Variants in ARHGEF10L observed in about 807,000 individuals in gnomAD.
ARHGEF10L encodes the protein Rho guanine nucleotide exchange factor 10 like.
A neutral mutation model predicts 141.2 loss-of-function variants in ARHGEF10L; 69 were observed. The ratio of observed to expected loss-of-function variants is 0.49; its 90% CI spans 0.40 to 0.60. ARHGEF10L has a LOEUF of 0.60. ARHGEF10L is among the 20% of genes least tolerant of loss of function. The pLI is 0.00. For synonymous variants in ARHGEF10L, 711 were observed against 718.5 expected (o/e 0.99, Z 0.17); for missense variants, 1,482 against 1,734.3 (o/e 0.85, Z 2.58).
At chr1:17,640,141 C>A in intron 20 of ARHGEF10L, 61 bp from the exon 21 acceptor site, 1 of 1,558,862 alleles carries the variant, frequency 6.4e-7, no homozygotes, top group Non-Finnish European at 8.7e-7. Flanking sequence ...TACGTGACAG[C>A]TGGGGGAGCC....
At chr1:17,589,995 A>G (rs1391077742) in intron 4 of ARHGEF10L, among the ~76,000 whole-genome samples, 2 of 151,956 alleles carry the variant, frequency 1.3e-5, no homozygotes, top group East Asian at 1.9e-4. Context: ...CCTGCTGAGG[A>G]AGCCCCTGAG....
At chr1:17,683,616 CAGGCTG>C (rs762528892) in intron 26 of ARHGEF10L, among the ~76,000 whole-genome samples, 21,568 of 151,920 alleles carry the variant, frequency 0.14, 1,623 homozygotes, top group Non-Finnish European at 0.16. Flanking sequence ...TGAGACATGC[CAGGCTG>C]GGGCTGGGGC....
chr1:17,669,028 C>T (rs1295675370), intron 26 of ARHGEF10L, among the ~76,000 whole-genome samples: 2 of 152,212 alleles, frequency 1.3e-5, no homozygotes, highest in Non-Finnish European at 2.9e-5. Flanking sequence ...GCTGTGGTCT[C>T]GTATGTGTGC....
Position 17,664,526 on chromosome 1 carries a change from G to A in ARHGEF10L, c.2940G>A (p.Leu980=), listed in dbSNP as rs756247741. ...GGCCTGTCCGCACCCTGTTGAGCCT[G>A]GAGGATGCCGTGTGGGCCAGCTGTG... The part of the protein sequence containing the change: ...GPGPVRTLLS[L]EDAVWASCGP... The change falls in exon 26 of 29, where the codon CTG becomes CTA. Residue 980 remains leucine, a synonymous_variant. Transcript: ENST00000361221. 2 of 1,608,406 alleles carry A rather than the reference G, an allele frequency of 1.2e-6. No individual in the cohort carries two copies.
chr1:17,559,728 C>G (rs1490180931), intron 1 of ARHGEF10L, among the ~76,000 whole-genome samples: 1 of 152,142 alleles, frequency 6.6e-6, no homozygotes, highest in Non-Finnish European at 1.5e-5. Context: ...AGGAAAGGGA[C>G]CGTCATGTGA....
intron 18 of ARHGEF10L, among the ~76,000 whole-genome samples, chr1:17,636,548 C>T (rs978290530): frequency 2.4e-4 from 37 of 152,306 alleles, no homozygotes; most frequent in Admixed American, 1.8e-3. Flanking sequence ...GGTTCCTCTG[C>T]GCTTTCGTGC....
At chr1:17,636,759 C>T (rs1466535580) in intron 18 of ARHGEF10L, among the ~76,000 whole-genome samples, 1 of 152,094 alleles carries the variant, frequency 6.6e-6, no homozygotes, top group African/African-American at 2.4e-5. Context: ...TAAACTCATT[C>T]CACACAGGTG....
In ARHGEF10L at chr1:17,590,398, T is replaced by C. The variant is rs947336935; in HGVS notation, c.257+1919T>C. Reference sequence around the variant, plus strand: ...TGTGCGGCAGTGCCTGGTGTGTGATTCCTGGTGAGGTCCCTTCCCTTGACA... The same window carrying C: ...TGTGCGGCAGTGCCTGGTGTGTGATCCCTGGTGAGGTCCCTTCCCTTGACA... On this transcript the variant is annotated intron_variant, in intron 4 of 28. Coordinates refer to ENST00000361221, the MANE Select transcript of ARHGEF10L (RefSeq NM_018125.4). 9.9e-5 allele frequency among the ~76,000 whole-genome samples: 15 copies of C among 152,038 alleles called. No individual in the cohort carries two copies. The East Asian group carries it at 2.7e-3, about 27-fold the overall frequency.
In ARHGEF10L at chr1:17,627,269, C is replaced by T; in HGVS notation, c.1411-61C>T. On this transcript the variant is annotated intron_variant, in intron 14 of 28. Transcript: ENST00000361221. This position sits in a 1 kb window ranked among gnomAD's most constrained non-coding sequence, Gnocchi z 4.0. ...GGGGGTTGCGCAGGGTGAGGCTTTG[C>T]CCCAGGCTGGGGTAGAGTTGGTCAT... The T allele has an allele frequency of 1.3e-6, 2 of 1,579,306 alleles. No homozygotes were observed. Among genetic ancestry groups the T allele is most frequent in the Middle Eastern group, 1.7e-4 (1 of 5,864 alleles).
chr1:17,579,316 G>A (rs1168551858), intron 1 of ARHGEF10L, among the ~76,000 whole-genome samples: 3 of 152,150 alleles, frequency 2.0e-5, no homozygotes, highest in Admixed American at 1.3e-4. Flanking sequence ...CACTGTGCCC[G>A]GCTCGGAGAC....
At chr1:17,635,965 C>T (rs1405388357) in intron 18 of ARHGEF10L, among the ~76,000 whole-genome samples, 1 of 152,186 alleles carries the variant, frequency 6.6e-6, no homozygotes, top group Non-Finnish European at 1.5e-5. Context: ...GGAGTGATTG[C>T]ACCACCTACT....
chr1:17,649,055 C>T (rs1352707424), intron 22 of ARHGEF10L, among the ~76,000 whole-genome samples: 6 of 152,348 alleles, frequency 3.9e-5, no homozygotes, highest in Non-Finnish European at 7.3e-5. Context: ...GGATTGCCCT[C>T]ATCATGGAAT....
Position 17,697,338 on chromosome 1 carries a change from G to T in ARHGEF10L, c.3798G>T (p.Thr1266=), listed in dbSNP as rs745426939. ...SSGRQAPCGE[T]DSTLLIWQVP... ...GGAGGCAGGCCCCGTGTGGGGAGAC[G>T]GACAGCACCCTCCTCATCTGGCAGG... Residue 1266 remains threonine, a synonymous_variant, in exon 29 of 29, where the codon ACG becomes ACT. Coordinates refer to ENST00000361221, the MANE Select transcript of ARHGEF10L (RefSeq NM_018125.4). The surrounding 1 kb of genome is among the most constrained non-coding windows in gnomAD (Gnocchi z 4.8). The T allele has an allele frequency of 4.4e-6, 7 of 1,608,354 alleles. No homozygotes were observed. Among genetic ancestry groups the T allele is most frequent in the Non-Finnish European group, 5.9e-6 (7 of 1,176,896 alleles).
the ARHGEF10L span, among the ~76,000 whole-genome samples, chr1:17,529,822 G>GT: frequency 3.0e-5 from 4 of 132,686 alleles, no homozygotes; most frequent in African/African-American, 5.6e-5. Flanking sequence ...GAACACATCA[G>GT]TCTTTTTTTT....
At chr1:17,640,385 G>T in intron 21 of ARHGEF10L, 83 bp downstream of exon 21, 1 of 1,239,448 alleles carries the variant, frequency 8.1e-7, no homozygotes, top group Non-Finnish European at 1.1e-6. Context: ...TACAGGATGG[G>T]TGTTCGGGGT....
chr1:17,564,150 C>T (rs905687640), intron 1 of ARHGEF10L, among the ~76,000 whole-genome samples: 21 of 152,228 alleles, frequency 1.4e-4, no homozygotes, highest in African/African-American at 5.1e-4. Flanking sequence ...CTCTGGCCTG[C>T]ACAGTGGGGC....
intron 26 of ARHGEF10L, among the ~76,000 whole-genome samples, chr1:17,674,623 T>C (rs2063529772): frequency 6.6e-6 from 1 of 152,218 alleles, no homozygotes; most frequent in Admixed American, 6.5e-5. Flanking sequence ...CGTGAGCTGA[T>C]GCCTGTGCAT....
intron 26 of ARHGEF10L, among the ~76,000 whole-genome samples, chr1:17,686,437 G>T (rs1430566204): frequency 6.6e-6 from 1 of 152,206 alleles, no homozygotes; most frequent in East Asian, 1.9e-4. Context: ...GTGGGAAGTG[G>T]CCAAGTAGAA....
chr1:17,545,150 C>T lies in ARHGEF10L; in HGVS notation c.-44+5200C>T, dbSNP rs571258227. ...TACGTAGTGGTGTGCTACTGCATAT[C>T]TCAACTCCATTCAGTGATGTCACAT... On this transcript the variant is annotated intron_variant, in intron 1 of 28. Coordinates refer to ENST00000361221, the MANE Select transcript of ARHGEF10L (RefSeq NM_018125.4). 1.0e-3 allele frequency among the ~76,000 whole-genome samples: 159 copies of T among 152,238 alleles called. 1 individual carries two copies. Among genetic ancestry groups the T allele is most frequent in the Middle Eastern group, 6.8e-3 (2 of 294 alleles).
Sources: gnomAD v4.1 joint callset for allele counts (sites outside exome capture counted in the v4.1 genomes callset) on GRCh38, gnomAD v4.1.1 for gene constraint, Gnocchi (gnomAD v3.1) non-coding constraint, MANE v1.5 for transcripts, NCBI Gene and HGNC (gene_info 2026-07-23, HGNC 2026-07-21) for gene names.